MBD5: variants seen among roughly 807,000 people sequenced by gnomAD.
MBD5 encodes methyl-CpG binding domain protein 5.
In MBD5, 13 loss-of-function variants were observed where a neutral mutation model predicts 117.3. That is an observed-to-expected ratio of 0.11 (90% CI 0.07 to 0.18). The LOEUF (loss-of-function observed/expected upper bound fraction) is 0.18, where lower values mean the gene tolerates loss of function less well. Ranked by LOEUF, MBD5 falls within the 10% of genes least tolerant of loss-of-function variation. The pLI, the probability that MBD5 is intolerant of heterozygous loss-of-function variation, is 1.00. For missense variants in MBD5, 1,879 were observed against 2,093.8 expected (o/e 0.90, Z 2.00); for synonymous variants, 727 against 766.4 (o/e 0.95, Z 0.85).
chr2:148,210,729 T>C (rs1699402595), intron 2 of MBD5, among the ~76,000 whole-genome samples: 2 of 152,124 alleles, frequency 1.3e-5, no homozygotes, highest in Non-Finnish European at 2.9e-5. Flanking sequence ...CTTAGATGAC[T>C]ATATAAACAT....
chr2:148,241,348 G>C (rs773661450), intron 3 of MBD5, among the ~76,000 whole-genome samples: 1 of 152,212 alleles, frequency 6.6e-6, no homozygotes, highest in African/African-American at 2.4e-5. Context: ...CTCCTAAAAC[G>C]TGGTCCTTTA....
At position 148,483,873 on chromosome 2, in the gene MBD5, G is replaced by A. The variant is rs552888554; in HGVS notation, c.3282G>A (p.Leu1094=). The A allele has an allele frequency of 7.7e-6, 12 of 1,550,580 alleles. No individual in the cohort carries two copies. In the African/African-American group the frequency reaches 1.6e-4, roughly 21 times the overall value. Residue 1094 remains leucine, a synonymous_variant, in exon 9 of 14, where the codon CTG becomes CTA. Transcript: ENST00000642680. Reference sequence around the variant, plus strand: ...ATCCCCAGCTGTTGGGAGGTGTCCTGAACTCGGCATCGGCCAACACCGCTA... The same window carrying A: ...ATCCCCAGCTGTTGGGAGGTGTCCTAAACTCGGCATCGGCCAACACCGCTA... ...TLNPQLLGGV[L]NSASANTANH...
Position 148,389,298 on chromosome 2 carries a change from AT to A in MBD5, c.-557+46963del, listed in dbSNP as rs1704490674. 1.3e-4 allele frequency among the ~76,000 whole-genome samples: 13 copies of A among 99,822 alleles called. No homozygotes were observed. The East Asian group carries it at 2.4e-3, about 19-fold the overall frequency. 65.5% of individuals were successfully genotyped at this position (99,822 alleles called of 152,430 possible). A position where few individuals can be genotyped will look rare whatever the true frequency, so the allele number is the denominator to read the frequency against. On this transcript the variant is annotated intron_variant, in intron 4 of 13. Transcript: ENST00000642680. ...TATATATATATATATATATATATAT[AT>A]ATATAACATTTTCTTTATCCAACCC...
chr2:148,206,906 C>T (rs981167267), intron 2 of MBD5, among the ~76,000 whole-genome samples: 2 of 152,180 alleles, frequency 1.3e-5, no homozygotes, highest in Non-Finnish European at 2.9e-5. Context: ...AGACAATGCA[C>T]GTACCATTGA....
intron 4 of MBD5, among the ~76,000 whole-genome samples, chr2:148,438,755 A>C (rs1293129174): frequency 2.0e-5 from 3 of 152,100 alleles, no homozygotes; most frequent in African/African-American, 7.2e-5. Context: ...GCCCACCAAC[A>C]TGTAGTTCTG....
Position 148,182,856 on chromosome 2 carries a change from G to A in MBD5, c.-831+4063G>A, listed in dbSNP as rs1698561316. Among the ~76,000 whole-genome samples the A allele has an allele frequency of 2.0e-5, 3 of 152,180 alleles. No homozygotes were observed. The South Asian group carries it at 6.2e-4, about 32-fold the overall frequency. ...ACATTCACATTCACAGGAAATCTCAGTGCCCACATTCAACTGAGCCATGTA... is the reference window on the plus strand; with the variant it reads ...ACATTCACATTCACAGGAAATCTCAATGCCCACATTCAACTGAGCCATGTA... On this transcript the variant is annotated intron_variant, in intron 2 of 13. Transcript: ENST00000642680.
At chr2:148,348,222 A>G (rs1228055555) in intron 4 of MBD5, among the ~76,000 whole-genome samples, 2 of 151,748 alleles carry the variant, frequency 1.3e-5, no homozygotes, top group Non-Finnish European at 2.9e-5. Context: ...GTTCCTCCCC[A>G]TACCTTTTTG....
intron 1 of MBD5, among the ~76,000 whole-genome samples, chr2:148,137,380 AT>A (rs756279123): frequency 3.3e-5 from 5 of 152,050 alleles, no homozygotes; most frequent in Admixed American, 6.6e-5. Context: ...TGTCTATACT[AT>A]CCTTTGCACT....
intron 1 of MBD5, among the ~76,000 whole-genome samples, chr2:148,116,445 G>A (rs1422328259): frequency 6.6e-6 from 1 of 152,122 alleles, no homozygotes; most frequent in African/African-American, 2.4e-5. Context: ...TGAAAACTAA[G>A]CATCTAAGAA....
At chr2:148,327,712 T>C (rs1702498259) in intron 3 of MBD5, among the ~76,000 whole-genome samples, 2 of 151,966 alleles carry the variant, frequency 1.3e-5, no homozygotes, top group South Asian at 2.1e-4. Context: ...TAAGCACTTC[T>C]CCGTATTGGT....
chr2:148,127,439 C>T (rs1310940802), intron 1 of MBD5, among the ~76,000 whole-genome samples: 2 of 152,048 alleles, frequency 1.3e-5, no homozygotes, highest in East Asian at 1.9e-4. Flanking sequence ...TATGTGTCCA[C>T]GTGTTCTCAT....
chr2:148,308,911 A>G (rs567421865), intron 3 of MBD5, among the ~76,000 whole-genome samples: 3 of 152,248 alleles, frequency 2.0e-5, no homozygotes, highest in Non-Finnish European at 4.4e-5. Flanking sequence ...TAAATAGGGA[A>G]TCCTTTCCCC....
At chr2:148,167,111 A>T (rs898315269) in intron 1 of MBD5, among the ~76,000 whole-genome samples, 1 of 152,172 alleles carries the variant, frequency 6.6e-6, no homozygotes, top group South Asian at 2.1e-4. Context: ...TAAGCAGTTT[A>T]TATGCTAATT....
chr2:148,128,337 A>G (rs1343923590), intron 1 of MBD5, among the ~76,000 whole-genome samples: 2 of 152,198 alleles, frequency 1.3e-5, no homozygotes, highest in African/African-American at 4.8e-5. Context: ...TTTTATGCAT[A>G]TAATATATAT....
intron 3 of MBD5, among the ~76,000 whole-genome samples, chr2:148,253,482 T>G (rs754012777): frequency 2.2e-4 from 33 of 152,258 alleles, no homozygotes; most frequent in Non-Finnish European, 3.7e-4. Flanking sequence ...CAGGCATACC[T>G]CAGAGATACT....
At chr2:148,224,279 C>T (rs918981666) in intron 2 of MBD5, among the ~76,000 whole-genome samples, 12 of 152,044 alleles carry the variant, frequency 7.9e-5, no homozygotes, top group Non-Finnish European at 5.9e-5. Context: ...TTGATTTCTC[C>T]ATCTGGACGA....
chr2:148,102,984 A>G lies in MBD5; in HGVS notation c.-924-75716A>G, dbSNP rs1176555975. On this transcript the variant is annotated intron_variant, in intron 1 of 13. Transcript: ENST00000642680. ...AATTTATTATATGTTGTACAAGACC[A>G]GAACATTCTAACTCACCAAGAAAAG... Among the ~76,000 whole-genome samples the G allele has an allele frequency of 2.0e-5, 3 of 152,318 alleles. No homozygotes were observed. The East Asian group carries it at 5.8e-4, about 29-fold the overall frequency.
Position 148,441,168 on chromosome 2 carries a change from A to G in MBD5, c.-556-17035A>G, listed in dbSNP as rs536118880. Among the ~76,000 whole-genome samples, 6 of 152,016 alleles carry G rather than the reference A, an allele frequency of 3.9e-5. No individual in the cohort carries two copies. In the East Asian group the frequency reaches 1.2e-3, roughly 29 times the overall value. On this transcript the variant is annotated intron_variant, in intron 4 of 13. Coordinates refer to ENST00000642680, the MANE Select transcript of MBD5 (RefSeq NM_001378120.1). ...TGTGCACAATGTGCAGGTTTGTTAC[A>G]TATGTATACATGTGCCATGTTGGTG... is the stretch of plus-strand genomic sequence containing the variant.
intron 3 of MBD5, among the ~76,000 whole-genome samples, chr2:148,265,245 TA>T (rs1024709378): frequency 6.6e-6 from 1 of 152,144 alleles, no homozygotes; most frequent in African/African-American, 2.4e-5. Flanking sequence ...GGAAAAGAAA[TA>T]AAAAACTTTT....
Sources: gnomAD v4.1 joint callset for allele counts (sites outside exome capture counted in the v4.1 genomes callset) on GRCh38, gnomAD v4.1.1 for gene constraint, MANE v1.5 for transcripts, NCBI Gene and HGNC (gene_info 2026-07-23, HGNC 2026-07-21) for gene names.